Variants in MGAM observed in about 807,000 individuals in gnomAD.
MGAM encodes the protein maltase-glucoamylase, also known as alpha-1,4-glucosidase.
A neutral mutation model predicts 358.8 loss-of-function variants in MGAM; 253 were observed. The ratio of observed to expected loss-of-function variants is 0.71; its 90% CI spans 0.64 to 0.78. The LOEUF (loss-of-function observed/expected upper bound fraction) is 0.78, where lower values mean the gene tolerates loss of function less well. Ranked by LOEUF, MGAM falls within the 30% of genes least tolerant of loss-of-function variation. The pLI, the probability that MGAM is intolerant of heterozygous loss-of-function variation, is 0.00. For synonymous variants in MGAM, 1,105 were observed against 1,227.1 expected, an observed-to-expected ratio of 0.90 and a Z score of 2.08; for missense variants, 3,080 against 3,432.6, an observed-to-expected ratio of 0.90 and a Z score of 2.57.
rs1310192819 is a variant in MGAM at position 142,056,021 on chromosome 7, G to A, written c.3505G>A (p.Val1169Ile). 2.5e-6 allele frequency: 4 copies of A among 1,611,566 alleles called. No homozygotes were observed. Among genetic ancestry groups the A allele is most frequent in the Non-Finnish European group, 3.4e-6 (4 of 1,179,014 alleles). The change falls in exon 29 of 71, where the codon GTC (valine) becomes ATC (isoleucine). Residue 1169 changes from valine (V) to isoleucine (I), a missense_variant. Coordinates refer to ENST00000475668, the MANE Select transcript of MGAM (RefSeq NM_001365693.1). The stretch of plus-strand genomic sequence containing the variant: ...CCAGTACAAGAAGAATTCCTATGGT[G>A]TCCACCCCTACTACATGGGGCTGGA... Reference protein sequence around the residue: ...PPGYKKNSYGVHPYYMGLEED... With the variant: ...PPGYKKNSYGIHPYYMGLEED...
In MGAM at chr7:142,082,467, C is replaced by T. The variant is rs1186881225; in HGVS notation, c.6172-8C>T. 7 of 1,504,914 alleles carry T rather than the reference C, an allele frequency of 4.7e-6. No homozygotes were observed. The East Asian group carries it at 1.4e-4, about 30-fold the overall frequency. 93.2% of individuals were successfully genotyped at this position (1,504,914 alleles called of 1,614,324 possible). ...AAACTCCTACTGCTTCTCCCCATGACTCTCCAGTACAAGAAGAATTCCTAT... is the reference window on the plus strand; with the variant it reads ...AAACTCCTACTGCTTCTCCCCATGATTCTCCAGTACAAGAAGAATTCCTAT... On this transcript the variant is annotated splice_region_variant and splice_polypyrimidine_tract_variant and intron_variant, in intron 51 of 70. Transcript: ENST00000475668.
intron 2 of MGAM, among the ~76,000 whole-genome samples, chr7:141,990,668 G>GT (rs1353274464): frequency 4.0e-5 from 6 of 151,668 alleles, no homozygotes; most frequent in East Asian, 3.9e-4. Context: ...TTTTTTTTAT[G>GT]TTTTTTTATT....
At chr7:142,028,058 G>A (rs1204256689) in intron 10 of MGAM, among the ~76,000 whole-genome samples, 1 of 152,006 alleles carries the variant, frequency 6.6e-6, no homozygotes, top group African/African-American at 2.4e-5. Flanking sequence ...CATTTTACAG[G>A]TGTTTTTATT....
At chr7:141,992,505 T>C (rs1284813761), upstream of MGAM, among the ~76,000 whole-genome samples, 1 of 152,218 alleles carries the variant, frequency 6.6e-6, no homozygotes, top group African/African-American at 2.4e-5. Flanking sequence ...GATGTGCATT[T>C]GGGTGGCAGT....
chr7:141,997,786 A>AAAAAGCCATTCATTAGCTAC (rs1182205387), intron 1 of MGAM, among the ~76,000 whole-genome samples: 10 of 152,190 alleles, frequency 6.6e-5, no homozygotes, highest in African/African-American at 2.4e-4. Context: ...ACTTGGAAGA[A>AAAAAGCCATTCATTAGCTAC]AAAAGCCATT....
At position 142,091,366 on chromosome 7, in the gene MGAM, AG is replaced by A. The variant is rs1815370888; in HGVS notation, c.6811-546del. Among the ~76,000 whole-genome samples, 3 of 146,492 alleles carry A rather than the reference AG, an allele frequency of 2.0e-5. 1 individual carries two copies. The highest frequency in any genetic ancestry group is 4.4e-4 in the South Asian group (2 of 4,582). ...AGGGGAAGTTGAAATGTCCTCTTTA[AG>A]TCCTCTCAATTTATCTTCCACACAG... On this transcript the variant is annotated intron_variant, in intron 57 of 70. Transcript: ENST00000475668.
At chr7:142,034,461 C>A (rs11771350) in intron 15 of MGAM, 82 bp downstream of exon 15, 2 of 1,101,392 alleles carry the variant, frequency 1.8e-6, no homozygotes, top group Non-Finnish European at 2.6e-6. Context: ...GATTATGGGG[C>A]TAATGCATAA....
chr7:142,105,120 A>G (rs1252204698), intron 70 of MGAM, among the ~76,000 whole-genome samples: 1 of 152,120 alleles, frequency 6.6e-6, no homozygotes, highest in Non-Finnish European at 1.5e-5. Context: ...CTGCCTAGGA[A>G]GAAGCAGGAA....
At chr7:142,028,485 A>G (rs1807167652) in intron 10 of MGAM, among the ~76,000 whole-genome samples, 1 of 152,146 alleles carries the variant, frequency 6.6e-6, no homozygotes, top group South Asian at 2.1e-4. Flanking sequence ...GGGAAATACT[A>G]TGACCAAGAC....
At chr7:142,025,180 C>A in intron 8 of MGAM, 31 bp downstream of exon 8, 1 of 1,504,742 alleles carries the variant, frequency 6.6e-7, no homozygotes, top group Non-Finnish European at 9.2e-7. Flanking sequence ...AAAACAAGCA[C>A]AAGAGTGATT....
At chr7:142,064,142 G>A (rs970658786) in intron 36 of MGAM, among the ~76,000 whole-genome samples, 2 of 152,204 alleles carry the variant, frequency 1.3e-5, no homozygotes, top group Admixed American at 1.3e-4. Context: ...GTCATGTAGT[G>A]TTTGACAGCT....
intron 16 of MGAM, 30 bp from the exon 17 acceptor site, chr7:142,036,139 G>A (rs200168102): frequency 5.8e-4 from 854 of 1,485,212 alleles, no homozygotes; most frequent in Non-Finnish European, 6.9e-4. Flanking sequence ...AAGGAAGTGA[G>A]GTATACCTGT....
At chr7:141,998,500 T>C (rs1804457297) in intron 1 of MGAM, among the ~76,000 whole-genome samples, 2 of 152,164 alleles carry the variant, frequency 1.3e-5, no homozygotes, top group Non-Finnish European at 2.9e-5. Flanking sequence ...AGTGAAAACA[T>C]GTAGTGTTTG....
intron 21 of MGAM, among the ~76,000 whole-genome samples, chr7:142,045,187 GA>G (rs367720453): frequency 0.21 from 14,755 of 68,984 alleles, 1,598 homozygotes; most frequent in Middle Eastern, 0.35. Flanking sequence ...TAACATATAT[GA>G]TATATAATAT....
rs190773562 is a variant in MGAM at position 142,044,474 on chromosome 7, A to G, written c.2499-3311A>G. ...TATATACACATACGATATATGATAT[A>G]TAATGTATATTATATACACTTACGA... On this transcript the variant is annotated intron_variant, in intron 21 of 70. Coordinates refer to ENST00000475668, the MANE Select transcript of MGAM (RefSeq NM_001365693.1). 2.4e-3 allele frequency among the ~76,000 whole-genome samples: 330 copies of G among 136,708 alleles called. 33 individuals are homozygous for G. Among genetic ancestry groups the G allele is most frequent in the African/African-American group, 8.2e-3 (310 of 37,842 alleles). The allele number at this position is 136,708 out of a possible 152,430, so 89.7% of individuals were successfully genotyped here.
intron 32 of MGAM, 25 bp downstream of exon 32, chr7:142,059,625 G>T: frequency 1.9e-6 from 3 of 1,610,266 alleles, no homozygotes; most frequent in Non-Finnish European, 2.5e-6. Flanking sequence ...GAATGTGTGC[G>T]GTCTGTTTGG....
At chr7:142,091,816 C>T (rs1815412141) in intron 57 of MGAM, 97 bp from the exon 58 acceptor site, 1 of 1,250,484 alleles carries the variant, frequency 8.0e-7, no homozygotes, top group Non-Finnish European at 1.1e-6. Context: ...TGTCACCATG[C>T]AGTTGAAGTA....
chr7:141,987,742 A>G (rs1206200389), intron 2 of MGAM, among the ~76,000 whole-genome samples: 7 of 152,162 alleles, frequency 4.6e-5, no homozygotes, highest in African/African-American at 1.4e-4. Flanking sequence ...TGGCAAATCC[A>G]CTTTGAATTT....
intron 1 of MGAM, among the ~76,000 whole-genome samples, chr7:142,001,898 T>A (rs533666425): frequency 6.6e-6 from 1 of 152,338 alleles, no homozygotes; most frequent in East Asian, 1.9e-4. Context: ...AGAATATTTT[T>A]ATTTGATTTC....
Sources: gnomAD v4.1 joint callset for allele counts (sites outside exome capture counted in the v4.1 genomes callset) on GRCh38, gnomAD v4.1.1 for gene constraint, MANE v1.5 for transcripts, NCBI Gene and HGNC (gene_info 2026-07-23, HGNC 2026-07-21) for gene names.